PHTF2: variants seen among roughly 807,000 people sequenced by gnomAD.
PHTF2 encodes the protein putative homeodomain transcription factor 2.
A neutral mutation model predicts 101.2 loss-of-function variants in PHTF2; 60 were observed. The ratio of observed to expected loss-of-function variants is 0.59; its 90% CI spans 0.48 to 0.73. The LOEUF (loss-of-function observed/expected upper bound fraction) is 0.73, where lower values mean the gene tolerates loss of function less well. PHTF2 is among the 30% of genes least tolerant of loss of function. The probability of loss-of-function intolerance (pLI) is 0.00; values close to 1 mark genes in which losing one functional copy is unlikely to be tolerated. For synonymous variants in PHTF2, 311 were observed against 307.3 expected (o/e 1.01, Z -0.13); for missense variants, 747 against 908.7 (o/e 0.82, Z 2.29).
chr7:77,864,727 T>A (rs1287908333), intron 3 of PHTF2, among the ~76,000 whole-genome samples: 1 of 152,160 alleles, frequency 6.6e-6, no homozygotes, highest in Non-Finnish European at 1.5e-5. Context: ...CTCCTCCTGC[T>A]AGTGCTCCTA....
intron 1 of PHTF2, among the ~76,000 whole-genome samples, chr7:77,826,853 A>C (rs1016723769): frequency 3.9e-5 from 6 of 152,240 alleles, no homozygotes; most frequent in Admixed American, 3.9e-4. Flanking sequence ...CAGAGAATAT[A>C]GCACTCCTTT....
chr7:77,870,154 T>G (rs1346436503), intron 3 of PHTF2, among the ~76,000 whole-genome samples: 3 of 152,118 alleles, frequency 2.0e-5, no homozygotes, highest in Non-Finnish European at 2.9e-5. Context: ...CCAAAATTCT[T>G]TGCCTAGATC....
chr7:77,950,615 A>C (rs1806454748), intron 17 of PHTF2, among the ~76,000 whole-genome samples: 1 of 152,182 alleles, frequency 6.6e-6, no homozygotes, highest in Non-Finnish European at 1.5e-5. Context: ...AGATTGTGCC[A>C]CTGCACTCCA....
At chr7:77,809,418 G>T (rs1037428916) in intron 1 of PHTF2, among the ~76,000 whole-genome samples, 42 of 151,666 alleles carry the variant, frequency 2.8e-4, no homozygotes, top group Admixed American at 2.7e-3. Flanking sequence ...GTAGAGATGG[G>T]GTTTCACCAT....
At chr7:77,914,715 A>C (rs1802740523) in intron 9 of PHTF2, among the ~76,000 whole-genome samples, 1 of 152,150 alleles carries the variant, frequency 6.6e-6, no homozygotes, top group Non-Finnish European at 1.5e-5. Flanking sequence ...GGGATTCTCA[A>C]AATGGGAAAT....
chr7:77,872,696 G>T (rs537761840), intron 3 of PHTF2, among the ~76,000 whole-genome samples: 32 of 152,308 alleles, frequency 2.1e-4, no homozygotes, highest in African/African-American at 7.5e-4. Context: ...AGAGATGCAG[G>T]TGCTGCCCTC....
intron 3 of PHTF2, among the ~76,000 whole-genome samples, chr7:77,856,187 T>C (rs1259155273): frequency 6.6e-6 from 1 of 152,166 alleles, no homozygotes; most frequent in Non-Finnish European, 1.5e-5. Context: ...GAGTCCAGGT[T>C]GGGCAGCATA....
rs148856328 is a variant in PHTF2 at position 77,814,908 on chromosome 7, C to G, written c.-36+15937C>G. Among the ~76,000 whole-genome samples the G allele has an allele frequency of 2.8e-3, 428 of 152,010 alleles. 5 individuals carry two copies. The highest frequency in any genetic ancestry group is 9.8e-3 in the African/African-American group (408 of 41,466). ...TGGCCAACTTGGTGAAACCTTTTCT[C>G]TACTAAAAATACCAAAAAATTAGCC... is the stretch of plus-strand genomic sequence containing the variant. On this transcript the variant is annotated intron_variant, in intron 1 of 19. Coordinates refer to ENST00000416283, the Ensembl canonical transcript of PHTF2.
exon 20 of PHTF2, chr7:77,955,960 T>G (rs939267756): frequency 6.6e-6 from 1 of 152,532 alleles, no homozygotes; most frequent in African/African-American, 2.4e-5. Context: ...CCCCATTATA[T>G]AAGGGCTATT....
At chr7:77,848,734 C>G (rs1051884137) in intron 2 of PHTF2, among the ~76,000 whole-genome samples, 1 of 152,108 alleles carries the variant, frequency 6.6e-6, no homozygotes, top group African/African-American at 2.4e-5. Context: ...TCCATTTTTA[C>G]TTTGGTTGCC....
intron 3 of PHTF2, among the ~76,000 whole-genome samples, chr7:77,886,651 A>C (rs1799875801): frequency 6.6e-6 from 1 of 152,182 alleles, no homozygotes. Context: ...TTAGTTTCTA[A>C]GATAGCTAGT....
In PHTF2 at chr7:77,850,360, C is replaced by CAAAAAAA. The variant is rs71082789; in HGVS notation, c.46-4354_46-4348dup. On this transcript the variant is annotated intron_variant, in intron 2 of 19. Transcript: ENST00000416283. ...TGAAAGACAAAGCAAGACCTTGTCT[C>CAAAAAAA]AAAAAAAAAAAAAAAAAAAAAAAAA... Among the ~76,000 whole-genome samples the CAAAAAAA allele has an allele frequency of 3.7e-3, 163 of 44,370 alleles. 7 individuals are homozygous for CAAAAAAA. The highest frequency in any genetic ancestry group is 5.8e-3 in the South Asian group (6 of 1,034). 29.1% of individuals were successfully genotyped at this position (44,370 alleles called of 152,430 possible). A position where few individuals can be genotyped will look rare whatever the true frequency, so the allele number is the denominator to read the frequency against.
intron 7 of PHTF2, among the ~76,000 whole-genome samples, chr7:77,905,937 A>G (rs1801815500): frequency 6.6e-6 from 1 of 152,104 alleles, no homozygotes; most frequent in Non-Finnish European, 1.5e-5. Flanking sequence ...TAAATGCTCA[A>G]AAAGTATAAC....
At chr7:77,883,615 G>A (rs1584585706) in intron 3 of PHTF2, among the ~76,000 whole-genome samples, 1 of 152,038 alleles carries the variant, frequency 6.6e-6, no homozygotes, top group East Asian at 1.9e-4. Context: ...GATTTTATTA[G>A]CAGCTCCATT....
At chr7:77,804,193 A>G (rs754669625) in intron 1 of PHTF2, among the ~76,000 whole-genome samples, 33 of 152,232 alleles carry the variant, frequency 2.2e-4, no homozygotes, top group Admixed American at 9.2e-4. Flanking sequence ...TGTTCATTCC[A>G]TATATCCCAT....
At chr7:77,861,986 A>G (rs1380455328) in intron 3 of PHTF2, among the ~76,000 whole-genome samples, 1 of 151,806 alleles carries the variant, frequency 6.6e-6, no homozygotes, top group African/African-American at 2.4e-5. Context: ...GAACCTGGAA[A>G]GCGGAGGTTG....
At chr7:77,812,631 C>A (rs1793529171) in intron 1 of PHTF2, among the ~76,000 whole-genome samples, 2 of 151,514 alleles carry the variant, frequency 1.3e-5, no homozygotes, top group African/African-American at 4.9e-5. Flanking sequence ...GCTCTGTCAC[C>A]CAGGCTGGAG....
Position 77,898,241 on chromosome 7 carries a change from T to A in PHTF2, c.217-2470T>A, listed in dbSNP as rs376891370. ...TAGGGACTTTTGATTCTTAAAACAA[T>A]CTTGATAAAAATTTTAGGTATACAG... On this transcript the variant is annotated intron_variant, in intron 5 of 19. Coordinates refer to ENST00000416283, the Ensembl canonical transcript of PHTF2. Among the ~76,000 whole-genome samples the A allele has an allele frequency of 3.3e-5, 5 of 152,250 alleles. No homozygotes were observed. The East Asian group carries it at 9.6e-4, about 29-fold the overall frequency.
At chr7:77,889,539 T>C (rs546351230) in intron 3 of PHTF2, among the ~76,000 whole-genome samples, 2 of 152,020 alleles carry the variant, frequency 1.3e-5, no homozygotes, top group African/African-American at 2.4e-5. Flanking sequence ...GTAGTCTGTT[T>C]GCTTAAGTAA....
Sources: allele counts gnomAD v4.1 joint callset (sites outside exome capture counted in the v4.1 genomes callset), GRCh38; gene constraint gnomAD v4.1.1; transcripts MANE v1.5; gene names NCBI Gene and HGNC (gene_info 2026-07-23, HGNC 2026-07-21).